Variants in ASIC2 observed in about 807,000 individuals in gnomAD.
ASIC2 encodes the protein acid sensing ion channel subunit 2, also known as acid-sensing ion channel 2.
Under a neutral mutation model 57.3 loss-of-function variants are expected in ASIC2, and 25 were observed. The observed-to-expected ratio is 0.44, with a 90% CI of 0.32 to 0.61. The LOEUF (loss-of-function observed/expected upper bound fraction) is 0.61. Ranked by LOEUF, ASIC2 falls within the 20% of genes least tolerant of loss-of-function variation. The pLI is 0.06. For missense variants in ASIC2, 641 were observed against 738.1 expected (o/e 0.87, Z 1.52); for synonymous variants, 319 against 307.5 (o/e 1.04, Z -0.39).
Position 33,465,981 on chromosome 17 carries a change from A to G in ASIC2, c.556-353914T>C, listed in dbSNP as rs541682126. On this transcript the variant is annotated intron_variant, in intron 1 of 9. Coordinates refer to the ASIC2 transcript ENST00000359872. ...AGCCAGAGAGAGTGTAGTCAGACTT[A>G]GAAAAGAACTTCTTGATATCAGGGC... is the stretch of plus-strand genomic sequence containing the variant. 1.2e-4 allele frequency among the ~76,000 whole-genome samples: 19 copies of G among 152,354 alleles called. No homozygotes were observed. In the East Asian group the frequency reaches 3.5e-3, roughly 28 times the overall value.
chr17:33,492,986 C>G (rs1913808287), intron 1 of ASIC2, among the ~76,000 whole-genome samples: 1 of 152,200 alleles, frequency 6.6e-6, no homozygotes, highest in Non-Finnish European at 1.5e-5. Context: ...AACCTTGGTT[C>G]TTTTTATGTC....
At chr17:33,267,385 T>G (rs1909503249) in intron 1 of ASIC2, among the ~76,000 whole-genome samples, 1 of 152,334 alleles carries the variant, frequency 6.6e-6, no homozygotes, top group East Asian at 1.9e-4. Flanking sequence ...GCTTGAATCA[T>G]TTCTAAGGTA....
intron 1 of ASIC2, among the ~76,000 whole-genome samples, chr17:34,068,388 T>C (rs1034126832): frequency 1.3e-5 from 2 of 152,164 alleles, no homozygotes; most frequent in African/African-American, 4.8e-5. Context: ...TTGATCACCT[T>C]AGCAGGAGGA....
At chr17:33,951,957 G>T (rs73276607) in intron 1 of ASIC2, among the ~76,000 whole-genome samples, 1 of 152,068 alleles carries the variant, frequency 6.6e-6, no homozygotes, top group Admixed American at 6.6e-5. Flanking sequence ...ACATTTCAGA[G>T]GAGGGGAGCA....
intron 3 of ASIC2, among the ~76,000 whole-genome samples, chr17:33,034,504 A>G (rs1326600848): frequency 6.6e-6 from 1 of 152,206 alleles, no homozygotes; most frequent in African/African-American, 2.4e-5. Flanking sequence ...TCTAAAACAA[A>G]CAAACAAATA....
intron 1 of ASIC2, among the ~76,000 whole-genome samples, chr17:33,473,737 T>C (rs1434937360): frequency 6.6e-6 from 1 of 152,100 alleles, no homozygotes; most frequent in Non-Finnish European, 1.5e-5. Context: ...CCTGCCAAGC[T>C]CCAGGTGTTC....
intron 9 of ASIC2, among the ~76,000 whole-genome samples, chr17:33,015,484 T>G (rs1567716870): frequency 1.3e-5 from 2 of 152,208 alleles, no homozygotes; most frequent in Non-Finnish European, 2.9e-5. Context: ...TGCCTGACAG[T>G]GCCTGACACG....
intron 1 of ASIC2, among the ~76,000 whole-genome samples, chr17:34,087,445 C>T (rs1407982936): frequency 4.6e-5 from 7 of 152,062 alleles, no homozygotes; most frequent in South Asian, 2.1e-4. Flanking sequence ...GTGGGTAACC[C>T]GACCTTTCTC....
intron 1 of ASIC2, among the ~76,000 whole-genome samples, chr17:33,287,196 G>A (rs1489531348): frequency 1.3e-5 from 2 of 152,134 alleles, no homozygotes; most frequent in African/African-American, 2.4e-5. Flanking sequence ...TCAGATCTCC[G>A]AGGCAGGAAT....
chr17:33,884,068 G>T (rs1012365311), intron 1 of ASIC2, among the ~76,000 whole-genome samples: 2 of 152,142 alleles, frequency 1.3e-5, no homozygotes, highest in African/African-American at 2.4e-5. Context: ...GTTTGCAACC[G>T]CACACCTATG....
rs141132320 is a variant in ASIC2 at position 33,321,266 on chromosome 17, T to C, written c.556-209199A>G. On this transcript the variant is annotated intron_variant, in intron 1 of 9. Transcript: ENST00000359872. Reference sequence around the variant, plus strand: ...AGTGTAATATTTTACATTTAATAAATGGATGATTAGTTTTTGCTGCAGAGC... The same window carrying C: ...AGTGTAATATTTTACATTTAATAAACGGATGATTAGTTTTTGCTGCAGAGC... 1.8e-3 allele frequency among the ~76,000 whole-genome samples: 280 copies of C among 152,324 alleles called. 1 individual carries two copies. The highest frequency in any genetic ancestry group is 6.6e-3 in the African/African-American group (273 of 41,566).
chr17:33,839,887 A>G (rs1913383143), intron 1 of ASIC2, among the ~76,000 whole-genome samples: 1 of 152,168 alleles, frequency 6.6e-6, no homozygotes, highest in African/African-American at 2.4e-5. Flanking sequence ...CAGGGATGCC[A>G]CAGCATCTGG....
chr17:34,058,721 C>T (rs2142059080), intron 1 of ASIC2, among the ~76,000 whole-genome samples: 1 of 152,106 alleles, frequency 6.6e-6, no homozygotes, highest in Non-Finnish European at 1.5e-5. Flanking sequence ...TGTGGGAATG[C>T]AGATACTTAA....
chr17:33,858,646 C>T (rs754371769), intron 1 of ASIC2, among the ~76,000 whole-genome samples: 6 of 152,332 alleles, frequency 3.9e-5, no homozygotes, highest in Admixed American at 1.3e-4. Flanking sequence ...GCAGCCAAAG[C>T]GAGAGGCCTC....
At chr17:33,946,746 G>A (rs1904386697) in intron 1 of ASIC2, among the ~76,000 whole-genome samples, 1 of 152,186 alleles carries the variant, frequency 6.6e-6, no homozygotes, top group Non-Finnish European at 1.5e-5. Flanking sequence ...TTCCATGTGG[G>A]TCCATTGGGA....
chr17:33,114,659 G>A (rs1054482457), intron 1 of ASIC2, among the ~76,000 whole-genome samples: 2 of 152,206 alleles, frequency 1.3e-5, no homozygotes, highest in Non-Finnish European at 2.9e-5. Context: ...CATGCCCAGT[G>A]CCATTGGTGA....
At chr17:33,228,156 G>T (rs1369838406) in intron 1 of ASIC2, among the ~76,000 whole-genome samples, 2 of 152,162 alleles carry the variant, frequency 1.3e-5, no homozygotes, top group Non-Finnish European at 2.9e-5. Context: ...CTGTCTTATT[G>T]TTTGGGTGTA....
At chr17:33,179,157 A>G (rs1444548635) in intron 1 of ASIC2, among the ~76,000 whole-genome samples, 1 of 152,126 alleles carries the variant, frequency 6.6e-6, no homozygotes, top group Non-Finnish European at 1.5e-5. Flanking sequence ...CTTTAGGCTC[A>G]AACACTATGT....
chr17:33,096,085 C>T (rs748904299), intron 2 of ASIC2, among the ~76,000 whole-genome samples: 20 of 152,160 alleles, frequency 1.3e-4, no homozygotes, highest in Admixed American at 3.9e-4. Flanking sequence ...TGCATGCAGA[C>T]GTGTACTAGT....
Sources: gnomAD v4.1 joint callset for allele counts (sites outside exome capture counted in the v4.1 genomes callset) on GRCh38, gnomAD v4.1.1 for gene constraint, MANE v1.5 for transcripts, NCBI Gene and HGNC (gene_info 2026-07-23, HGNC 2026-07-21) for gene names.